The following ZNF385D variants were observed in gnomAD, a reference collection of about 807,000 sequenced individuals.
The protein encoded by ZNF385D is zinc finger protein 659.
In ZNF385D, 15 loss-of-function variants were observed where a neutral mutation model predicts 35.8. That is an observed-to-expected ratio of 0.42 (90% confidence interval 0.28 to 0.64). The LOEUF (loss-of-function observed/expected upper bound fraction) is 0.64. ZNF385D is among the 30% of genes least tolerant of loss of function. The probability of loss-of-function intolerance (pLI) is 0.23; values close to 1 mark genes in which losing one functional copy is unlikely to be tolerated. For missense variants in ZNF385D, 474 were observed against 494.6 expected (o/e 0.96, Z 0.39); for synonymous variants, 212 against 186.8 (o/e 1.13, Z -1.10).
chr3:22,348,970 T>C (rs1038099790), intron 2 of ZNF385D, among the ~76,000 whole-genome samples: 1 of 152,184 alleles, frequency 6.6e-6, no homozygotes, highest in African/African-American at 2.4e-5. Context: ...CCAGGAGTTA[T>C]CTGAGAGCAA....
chr3:21,612,077 CATT>C (rs150358388), intron 2 of ZNF385D, among the ~76,000 whole-genome samples: 1 of 151,668 alleles, frequency 6.6e-6, no homozygotes, highest in Non-Finnish European at 1.5e-5. Flanking sequence ...GTGGAGCAGT[CATT>C]ATTATTATTA....
chr3:21,535,144 TTG>T (rs1340737732), intron 3 of ZNF385D, among the ~76,000 whole-genome samples: 1 of 152,158 alleles, frequency 6.6e-6, no homozygotes, highest in Non-Finnish European at 1.5e-5. Context: ...CTAGAATTCT[TTG>T]TGATGCCAAG....
intron 3 of ZNF385D, among the ~76,000 whole-genome samples, chr3:21,905,127 T>G (rs1042879901): frequency 3.4e-5 from 5 of 148,598 alleles, no homozygotes; most frequent in Admixed American, 1.4e-4. Context: ...TTATAGAATC[T>G]TGGATATTTA....
intron 3 of ZNF385D, among the ~76,000 whole-genome samples, chr3:22,092,803 G>C (rs116253966): frequency 6.6e-6 from 1 of 151,800 alleles, no homozygotes; most frequent in South Asian, 2.1e-4. Flanking sequence ...ACCTCTTACA[G>C]TTTTGATATT....
intron 2 of ZNF385D, among the ~76,000 whole-genome samples, chr3:22,339,740 G>A (rs1011319938): frequency 6.6e-6 from 1 of 152,094 alleles, no homozygotes. Context: ...CAGTACACTG[G>A]TTTCTGCCTT....
chr3:21,855,123 T>C (rs1696633982), intron 3 of ZNF385D, among the ~76,000 whole-genome samples: 1 of 151,984 alleles, frequency 6.6e-6, no homozygotes, highest in African/African-American at 2.4e-5. Context: ...AAAAGCTACA[T>C]TACTACTCCC....
In ZNF385D at chr3:21,584,917, T is replaced by C. The variant is rs1559432624; in HGVS notation, c.166-20233A>G. ...TAGAAATATTTAAAGCTTTCATCTA[T>C]TGGCAATCCCAAACACCTCTGGTCT... On this transcript the variant is annotated intron_variant, in intron 2 of 7. Transcript: ENST00000281523. Among the ~76,000 whole-genome samples, 3 of 152,318 alleles carry C rather than the reference T, an allele frequency of 2.0e-5. No individual in the cohort carries two copies. The South Asian group carries it at 6.2e-4, about 32-fold the overall frequency.
At chr3:22,304,146 T>C (rs1397868272) in intron 2 of ZNF385D, among the ~76,000 whole-genome samples, 1 of 152,212 alleles carries the variant, frequency 6.6e-6, no homozygotes, top group Admixed American at 6.5e-5. Context: ...GTCTATTGCA[T>C]AGATCTTCAA....
chr3:22,074,088 T>C (rs1700354109), intron 3 of ZNF385D, among the ~76,000 whole-genome samples: 1 of 151,984 alleles, frequency 6.6e-6, no homozygotes, highest in African/African-American at 2.4e-5. Context: ...AGCATTAATA[T>C]TTTCCCAGGA....
At chr3:22,046,453 T>C (rs1268257996) in intron 3 of ZNF385D, among the ~76,000 whole-genome samples, 1 of 152,146 alleles carries the variant, frequency 6.6e-6, no homozygotes, top group Non-Finnish European at 1.5e-5. Context: ...TTAAATTGTT[T>C]TGCTGATATT....
intron 2 of ZNF385D, among the ~76,000 whole-genome samples, chr3:22,179,941 C>G (rs1201633981): frequency 6.6e-6 from 1 of 152,150 alleles, no homozygotes; most frequent in East Asian, 1.9e-4. Context: ...AAGATCAGAG[C>G]AGAACTGAAG....
In ZNF385D at chr3:21,921,201, C is replaced by A. The variant is rs376603768; in HGVS notation, c.325+247616G>T. On this transcript the variant is annotated intron_variant, in intron 3 of 5. Coordinates refer to the ZNF385D transcript ENST00000494108. ...TCGCGCCACCGCACTCCAGCCTGGG[C>A]GACAGAGCGAGACTCCATCTCAAAA... Among the ~76,000 whole-genome samples, 65 of 116,638 alleles carry A rather than the reference C, an allele frequency of 5.6e-4. No individual in the cohort carries two copies. The East Asian group carries it at 0.016, about 29-fold the overall frequency. The allele number at this position is 116,638 out of a possible 152,430, so 76.5% of individuals were successfully genotyped here. A position where few individuals can be genotyped will look rare whatever the true frequency, so the allele number is the denominator to read the frequency against.
intron 1 of ZNF385D, among the ~76,000 whole-genome samples, chr3:21,721,118 G>C (rs13077624): frequency 8.6e-5 from 13 of 151,268 alleles, no homozygotes; most frequent in African/African-American, 3.2e-4. Context: ...ATACTCTTGC[G>C]GTTTATATCC....
chr3:21,776,269 G>C (rs556616776), intron 3 of ZNF385D, among the ~76,000 whole-genome samples: 11 of 151,872 alleles, frequency 7.2e-5, no homozygotes, highest in Non-Finnish European at 1.2e-4. Context: ...TTGTTTCCTT[G>C]GATAAAGCCT....
chr3:21,905,359 A>T (rs1222992253), intron 3 of ZNF385D, among the ~76,000 whole-genome samples: 3 of 152,122 alleles, frequency 2.0e-5, no homozygotes, highest in Non-Finnish European at 2.9e-5. Context: ...CAGAGATAGC[A>T]GCAGACTTTT....
At chr3:22,140,462 G>A (rs1704437568) in intron 3 of ZNF385D, among the ~76,000 whole-genome samples, 2 of 152,098 alleles carry the variant, frequency 1.3e-5, no homozygotes, top group South Asian at 2.1e-4. Context: ...GAGCAATTGT[G>A]TATCCCGGTT....
At chr3:22,123,927 TCTCTCTC>T (rs1703254487) in intron 3 of ZNF385D, among the ~76,000 whole-genome samples, 3 of 54,302 alleles carry the variant, frequency 5.5e-5, no homozygotes, top group Non-Finnish European at 1.1e-4. Flanking sequence ...ACTCCATCTC[TCTCTCTC>T]TCTCTCTCTC....
intron 3 of ZNF385D, among the ~76,000 whole-genome samples, chr3:21,904,748 G>C (rs977044615): frequency 6.6e-6 from 1 of 152,070 alleles, no homozygotes; most frequent in Non-Finnish European, 1.5e-5. Flanking sequence ...TAGATTTAGG[G>C]AGAAAGAATA....
intron 3 of ZNF385D, among the ~76,000 whole-genome samples, chr3:21,828,280 G>A (rs1694780525): frequency 6.6e-6 from 1 of 152,084 alleles, no homozygotes; most frequent in African/African-American, 2.4e-5. Flanking sequence ...ATTTTGAACA[G>A]GAAATCTTTG....
Sources: allele counts gnomAD v4.1 joint callset (sites outside exome capture counted in the v4.1 genomes callset), GRCh38; gene constraint gnomAD v4.1.1; transcripts MANE v1.5; gene names NCBI Gene and HGNC (gene_info 2026-07-23, HGNC 2026-07-21).